Variants in SYN3 observed in about 807,000 individuals in gnomAD.
SYN3 encodes synapsin-3.
Under a neutral mutation model 65.8 loss-of-function variants are expected in SYN3, and 35 were observed. The observed-to-expected ratio is 0.53, with a 90% CI of 0.41 to 0.70. SYN3 has a LOEUF of 0.70. SYN3 is among the 30% of genes least tolerant of loss of function. The pLI is 0.00. For missense variants in SYN3, 680 were observed against 749.0 expected, an observed-to-expected ratio of 0.91 and a Z score of 1.08; for synonymous variants, 270 against 292.9, an observed-to-expected ratio of 0.92 and a Z score of 0.80.
At chr22:32,858,359 G>A (rs1305014875) in intron 6 of SYN3, among the ~76,000 whole-genome samples, 2 of 152,286 alleles carry the variant, frequency 1.3e-5, no homozygotes, top group Admixed American at 1.3e-4. Context: ...GCTGTAATCG[G>A]CTGCCTCCAT....
At chr22:32,535,841 T>C (rs1328910196) in intron 9 of SYN3, among the ~76,000 whole-genome samples, 3 of 152,064 alleles carry the variant, frequency 2.0e-5, no homozygotes, top group African/African-American at 7.2e-5. Flanking sequence ...AGCGACATCA[T>C]TGGTTTTGCC....
intron 3 of SYN3, among the ~76,000 whole-genome samples, chr22:32,943,515 G>A (rs896473327): frequency 3.0e-4 from 45 of 152,250 alleles, no homozygotes; most frequent in African/African-American, 9.9e-4. Context: ...AAAGACCATC[G>A]ATGCTAGGAA....
chr22:32,982,022 T>C (rs979204321), intron 2 of SYN3, among the ~76,000 whole-genome samples: 1 of 152,166 alleles, frequency 6.6e-6, no homozygotes, highest in African/African-American at 2.4e-5. Context: ...CTTTAGAAAA[T>C]ACAGTTTTGT....
At chr22:33,040,175 T>G (rs569721354) in intron 1 of SYN3, among the ~76,000 whole-genome samples, 2 of 151,730 alleles carry the variant, frequency 1.3e-5, no homozygotes, top group East Asian at 3.9e-4. Context: ...TTAATAGAGA[T>G]TTTTGTATTT....
At chr22:32,759,633 A>ACCACCCCCAGCACCCAC (rs1273908562) in intron 6 of SYN3, among the ~76,000 whole-genome samples, 1,838 of 133,466 alleles carry the variant, frequency 0.014, 141 homozygotes, top group East Asian at 0.046. Flanking sequence ...CTACATTCCT[A>ACCACCCCCAGCACCCAC]CCACCCCCAG....
chr22:33,018,363 GC>G (rs1228481959), intron 1 of SYN3, among the ~76,000 whole-genome samples: 1 of 152,214 alleles, frequency 6.6e-6, no homozygotes, highest in African/African-American at 2.4e-5. Flanking sequence ...AGACAGGAAG[GC>G]AGGGAAGACG....
At chr22:32,973,787 T>A (rs2052095976) in intron 3 of SYN3, among the ~76,000 whole-genome samples, 1 of 152,172 alleles carries the variant, frequency 6.6e-6, no homozygotes, top group South Asian at 2.1e-4. Context: ...AGGGACAAAG[T>A]ACCCATCTTT....
intron 4 of SYN3, among the ~76,000 whole-genome samples, chr22:32,927,957 A>C (rs897342449): frequency 6.6e-6 from 1 of 152,260 alleles, no homozygotes; most frequent in African/African-American, 2.4e-5. Context: ...TTACTTTAAC[A>C]AAAGTACAGA....
chr22:32,859,184 A>C (rs751847973), intron 6 of SYN3: 2 of 1,614,084 alleles, frequency 1.2e-6, no homozygotes, highest in East Asian at 4.5e-5. Context: ...TTGCAGATCA[A>C]GTCCTGCTAC....
At chr22:32,573,894 C>G (rs187648205) in intron 7 of SYN3, among the ~76,000 whole-genome samples, 1 of 150,640 alleles carries the variant, frequency 6.6e-6, no homozygotes, top group Non-Finnish European at 1.5e-5. Context: ...CTCAGCCTCC[C>G]GAGTAGCTGG....
chr22:32,987,977 G>A (rs924758339), intron 2 of SYN3, among the ~76,000 whole-genome samples: 2 of 152,098 alleles, frequency 1.3e-5, no homozygotes, highest in Admixed American at 6.6e-5. Flanking sequence ...GTGGGGTGCA[G>A]GGGAGATTGG....
At chr22:32,844,112 A>C (rs565782691) in intron 6 of SYN3, among the ~76,000 whole-genome samples, 8 of 152,332 alleles carry the variant, frequency 5.3e-5, no homozygotes, top group South Asian at 2.1e-4. Flanking sequence ...CCAAATGGGT[A>C]GCATTGTTGC....
intron 7 of SYN3, among the ~76,000 whole-genome samples, chr22:32,577,817 C>T (rs937372376): frequency 7.9e-5 from 12 of 152,204 alleles, no homozygotes; most frequent in African/African-American, 2.7e-4. Flanking sequence ...GCCCTTCCTC[C>T]ACATGTCCAC....
chr22:32,611,785 G>C (rs1430720731), intron 6 of SYN3, among the ~76,000 whole-genome samples: 1 of 152,156 alleles, frequency 6.6e-6, no homozygotes. Flanking sequence ...TAAAAGCCTT[G>C]TAATTTCCTG....
intron 7 of SYN3, among the ~76,000 whole-genome samples, chr22:32,561,875 G>A (rs2058591674): frequency 6.6e-6 from 1 of 152,210 alleles, no homozygotes; most frequent in Non-Finnish European, 1.5e-5. Context: ...CTGGGGTTAA[G>A]TCCTGAGGAG....
chr22:33,012,131 C>T (rs1601903125), intron 1 of SYN3, among the ~76,000 whole-genome samples: 1 of 152,250 alleles, frequency 6.6e-6, no homozygotes, highest in Non-Finnish European at 1.5e-5. Flanking sequence ...GCTGGAAACA[C>T]AGATCATTAA....
intron 6 of SYN3, among the ~76,000 whole-genome samples, chr22:32,710,103 GTGTGTGTA>G (rs1244943153): frequency 1.2e-5 from 1 of 83,870 alleles, no homozygotes; most frequent in Non-Finnish European, 2.3e-5. Context: ...ACACACATGT[GTGTGTGTA>G]TGTGTGTGTG....
intron 6 of SYN3, among the ~76,000 whole-genome samples, chr22:32,694,163 G>T (rs1438645456): frequency 1.3e-5 from 2 of 151,780 alleles, no homozygotes; most frequent in Admixed American, 1.3e-4. Context: ...TTCTTGAACT[G>T]GTTACCATTA....
chr22:32,555,381 G>A (rs2058479754), intron 7 of SYN3, among the ~76,000 whole-genome samples: 1 of 152,168 alleles, frequency 6.6e-6, no homozygotes, highest in African/African-American at 2.4e-5. Flanking sequence ...AAACACATAA[G>A]CAACTGAAGC....
Sources: allele counts gnomAD v4.1 joint callset (sites outside exome capture counted in the v4.1 genomes callset), GRCh38; gene constraint gnomAD v4.1.1; transcripts MANE v1.5; gene names NCBI Gene and HGNC (gene_info 2026-07-23, HGNC 2026-07-21).